Variants in TEAD4 observed in about 807,000 individuals in gnomAD.
TEAD4 encodes the protein TEA domain transcription factor 4, also known as transcriptional enhancer factor TEF-3.
A neutral mutation model predicts 52.4 loss-of-function variants in TEAD4; 36 were observed. The ratio of observed to expected loss-of-function variants is 0.69; its 90% CI spans 0.53 to 0.91. The LOEUF is 0.91. Among genes scored for constraint, TEAD4 ranks in the 40% least tolerant of loss-of-function variants. The pLI, the probability that TEAD4 is intolerant of heterozygous loss-of-function variation, is 0.00. For synonymous variants in TEAD4, 220 were observed against 231.0 expected, an observed-to-expected ratio of 0.95 and a Z score of 0.43; for missense variants, 508 against 583.9, an observed-to-expected ratio of 0.87 and a Z score of 1.34.
intron 9 of TEAD4, 93 bp downstream of exon 9, chr12:3,020,866 T>G (rs1241876751): frequency 7.6e-6 from 10 of 1,322,112 alleles, no homozygotes; most frequent in Non-Finnish European, 1.0e-5. Context: ...ATGCTGGGGC[T>G]TAATTCAAGT....
intron 11 of TEAD4, 34 bp from the exon 12 acceptor site, chr12:3,040,073 G>C: frequency 1.9e-6 from 3 of 1,610,628 alleles, no homozygotes; most frequent in Non-Finnish European, 2.5e-6. Context: ...GTCAGAATGG[G>C]ATTCTAAGCC....
Position 3,021,892 on chromosome 12 carries a change from A to C in TEAD4, c.772A>C (p.Ser258Arg). Reference sequence around the variant, plus strand: ...CATTGGCCAGTCCAGCCCAAGCTACAGCGACCCCTACCTCGAAGCCGTGGA... The same window carrying C: ...CATTGGCCAGTCCAGCCCAAGCTACCGCGACCCCTACCTCGAAGCCGTGGA... The change falls in exon 10 of 13, where the codon AGC (serine) becomes CGC (arginine). Residue 258 changes from serine (S) to arginine (R), a missense_variant. Ser to Arg is a moderately radical substitution (Grantham distance 110, BLOSUM62 -1). Transcript: ENST00000359864. 6.2e-7 allele frequency: 1 copy of C among 1,614,256 alleles called. No individual in the cohort carries two copies. Among genetic ancestry groups the C allele is most frequent in the Non-Finnish European group, 8.5e-7 (1 of 1,180,044 alleles).
At chr12:3,027,632 C>T (rs1321039005) in intron 10 of TEAD4, among the ~76,000 whole-genome samples, 1 of 152,144 alleles carries the variant, frequency 6.6e-6, no homozygotes, top group Non-Finnish European at 1.5e-5. Flanking sequence ...TTTGGGAGGA[C>T]GAGGCGGGTG....
chr12:2,975,664 A>G (rs1413625493), intron 2 of TEAD4, among the ~76,000 whole-genome samples: 1 of 152,110 alleles, frequency 6.6e-6, no homozygotes, highest in East Asian at 1.9e-4. Flanking sequence ...CTGGGATTAC[A>G]GGCATGAGCC....
intron 10 of TEAD4, among the ~76,000 whole-genome samples, chr12:3,033,440 G>A (rs1367469443): frequency 3.3e-5 from 5 of 152,228 alleles, no homozygotes; most frequent in East Asian, 1.9e-4. Context: ...CTCTGGGGCC[G>A]GTGAGAGGGG....
chr12:2,999,120 G>C (rs551734596), intron 3 of TEAD4, among the ~76,000 whole-genome samples: 1 of 152,180 alleles, frequency 6.6e-6, no homozygotes, highest in African/African-American at 2.4e-5. Context: ...CCCTCTGGGA[G>C]GCGGAATGGG....
intron 6 of TEAD4, among the ~76,000 whole-genome samples, 171 bp from the exon 7 acceptor site, chr12:3,018,374 C>T (rs1241438983): frequency 1.3e-5 from 2 of 152,174 alleles, no homozygotes; most frequent in East Asian, 1.9e-4. Context: ...CCCCCTGAAA[C>T]TCACTCTGGG....
intron 3 of TEAD4, among the ~76,000 whole-genome samples, chr12:3,007,763 C>G (rs1285926273): frequency 6.6e-6 from 1 of 152,160 alleles, no homozygotes; most frequent in Non-Finnish European, 1.5e-5. Flanking sequence ...CCAAAGGGAG[C>G]CTCCCAATTG....
chr12:3,025,893 AATAGTCTG>A (rs914670688), intron 10 of TEAD4, among the ~76,000 whole-genome samples: 3 of 152,234 alleles, frequency 2.0e-5, no homozygotes, highest in African/African-American at 7.2e-5. Context: ...TTCTGACATA[AATAGTCTG>A]ATAGCATTCT....
At chr12:2,999,185 G>A (rs554190822) in intron 3 of TEAD4, among the ~76,000 whole-genome samples, 7 of 152,252 alleles carry the variant, frequency 4.6e-5, no homozygotes, top group Admixed American at 1.3e-4. Flanking sequence ...CTCCCCTCCT[G>A]TCTTCTCATC....
At position 3,022,069 on chromosome 12, in the gene TEAD4, G is replaced by A. The variant is rs1208373209; in HGVS notation, c.897+52G>A. 9 of 1,596,964 alleles carry A rather than the reference G, an allele frequency of 5.6e-6. No individual in the cohort carries two copies. In the South Asian group the frequency reaches 9.2e-5, roughly 16 times the overall value. On this transcript the variant is annotated intron_variant, in intron 10 of 12. Transcript: ENST00000359864. ...CTGCCACCAGCGTGTCCGTGGTAGT[G>A]AGAACGGGGCGAGAGTGCCCAGAGT...
intron 5 of TEAD4, among the ~76,000 whole-genome samples, chr12:3,014,630 C>A (rs10774094): frequency 0.15 from 23,561 of 152,130 alleles, 3,220 homozygotes; most frequent in African/African-American, 0.36. Context: ...TCACTGGGAC[C>A]TCCTGGAGCT....
chr12:2,985,344 C>T (rs1040217292), intron 2 of TEAD4, among the ~76,000 whole-genome samples: 11 of 151,586 alleles, frequency 7.3e-5, no homozygotes, highest in African/African-American at 2.4e-4. Flanking sequence ...GAGATTGCGC[C>T]ACTGTACTCC....
intron 2 of TEAD4, among the ~76,000 whole-genome samples, chr12:2,968,119 T>C (rs141086668): frequency 0.01 from 1,365 of 131,386 alleles, 21 homozygotes; most frequent in African/African-American, 0.031. Context: ...GGAGTTTCGC[T>C]CTTGTTGCTC....
chr12:3,009,791 C>T (rs575996966), intron 3 of TEAD4, among the ~76,000 whole-genome samples: 1 of 152,356 alleles, frequency 6.6e-6, no homozygotes, highest in Non-Finnish European at 1.5e-5. Context: ...TCCTCTGACA[C>T]AGACGAGGCA....
intron 10 of TEAD4, among the ~76,000 whole-genome samples, chr12:3,024,693 A>G (rs2098270955): frequency 6.6e-6 from 1 of 152,142 alleles, no homozygotes; most frequent in Non-Finnish European, 1.5e-5. Context: ...AAGTACAAAG[A>G]GTCAAGAAGG....
intron 2 of TEAD4, among the ~76,000 whole-genome samples, chr12:2,962,935 C>G (rs1565518596): frequency 6.6e-6 from 1 of 152,224 alleles, no homozygotes; most frequent in Non-Finnish European, 1.5e-5. Flanking sequence ...CCTACTCCCC[C>G]TAGCCGCCTT....
chr12:2,975,356 CATTATTATTATTATTATTATTATT>C (rs58872768), intron 2 of TEAD4, among the ~76,000 whole-genome samples: 2 of 148,150 alleles, frequency 1.3e-5, no homozygotes, highest in Admixed American at 6.8e-5. Flanking sequence ...AATATCGGCA[CATTATTATTATTATTATTATTATT>C]ATTATTATTA....
intron 2 of TEAD4, among the ~76,000 whole-genome samples, chr12:2,960,587 G>A (rs575063415): frequency 6.6e-6 from 1 of 152,278 alleles, no homozygotes; most frequent in South Asian, 2.1e-4. Flanking sequence ...ACACCTGACT[G>A]CGAGTCCCCC....
Sources: allele counts gnomAD v4.1 joint callset (sites outside exome capture counted in the v4.1 genomes callset), GRCh38; gene constraint gnomAD v4.1.1; transcripts MANE v1.5; gene names NCBI Gene and HGNC (gene_info 2026-07-23, HGNC 2026-07-21).